Variants in KLHDC3 observed in about 807,000 individuals in gnomAD.
KLHDC3 encodes the protein kelch domain-containing protein 3.
KLHDC3 carries 5 observed loss-of-function variants against 44.1 expected under a neutral mutation model. The observed-to-expected ratio is 0.11, with a 90% confidence interval of 0.06 to 0.24. The LOEUF is 0.24. Among genes scored for constraint, KLHDC3 ranks in the 10% least tolerant of loss-of-function variants. The pLI, the probability that KLHDC3 is intolerant of heterozygous loss-of-function variation, is 1.00. For synonymous variants in KLHDC3, 170 were observed against 189.0 expected, an observed-to-expected ratio of 0.90 and a Z score of 0.82; for missense variants, 247 against 514.3, an observed-to-expected ratio of 0.48 and a Z score of 5.03.
intron 1 of KLHDC3, chr6:43,016,522 G>C (rs547175518): frequency 1.3e-5 from 2 of 152,536 alleles, no homozygotes; most frequent in African/African-American, 2.4e-5. Flanking sequence ...AACTCAGCTT[G>C]ACAGGAGCTC....
chr6:43,020,876 T>A lies in KLHDC3; in HGVS notation c.*143T>A. ...TGGGCGAGAGGTGTTCTCTGTGCTG[T>A]GAATTCAGTGGGGAGCTGTAGCGGG... On this transcript the variant is annotated 3_prime_UTR_variant, in exon 11 of 11. Coordinates refer to ENST00000326974, the MANE Select transcript of KLHDC3 (RefSeq NM_057161.4). 1 of 719,366 alleles carries A rather than the reference T, an allele frequency of 1.4e-6. No homozygotes were observed. Among genetic ancestry groups the A allele is most frequent in the Admixed American group, 2.1e-5 (1 of 47,710 alleles). The allele number at this position is 719,366 out of a possible 1,614,324, so 44.6% of individuals were successfully genotyped here.
rs936545524 is a variant in KLHDC3, at chr6:43,020,995, G to T, written c.*262G>T. On this transcript the variant is annotated 3_prime_UTR_variant, in exon 11 of 11. Coordinates refer to ENST00000326974, the MANE Select transcript of KLHDC3 (RefSeq NM_057161.4). ...TCCTTTCAGCTGCTCCTGGGCCTCA[G>T]CTCTGCCCAGGGCCAGCCAGGTTCT... is the stretch of plus-strand genomic sequence containing the variant. The T allele has an allele frequency of 1.5e-5, 9 of 616,924 alleles. No homozygotes were observed. Among genetic ancestry groups the T allele is most frequent in the South Asian group, 1.1e-4 (7 of 65,984 alleles). The allele number at this position is 616,924 out of a possible 1,614,324, so 38.2% of individuals were successfully genotyped here. A position where few individuals can be genotyped will look rare whatever the true frequency, so the allele number is the denominator to read the frequency against.
chr6:43,015,372 T>A (rs938305854), intron 1 of KLHDC3, among the ~76,000 whole-genome samples: 10 of 152,228 alleles, frequency 6.6e-5, no homozygotes, highest in South Asian at 2.1e-4. Flanking sequence ...TGAGCTGTTT[T>A]AGTGCCTGAG....
At chr6:43,020,558 G>T in intron 10 of KLHDC3, 109 bp from the exon 11 acceptor site, 4 of 850,016 alleles carry the variant, frequency 4.7e-6, no homozygotes, top group South Asian at 1.4e-5. Context: ...GTGGGTGGTT[G>T]ACCTTTAGGA....
At chr6:43,019,266 T>C in intron 9 of KLHDC3, 22 bp from the exon 10 acceptor site, 1 of 1,602,686 alleles carries the variant, frequency 6.2e-7, no homozygotes, top group Non-Finnish European at 8.5e-7. Context: ...ACCATCTCCT[T>C]TCCACAACTT....
At position 43,020,826 on chromosome 6, in the gene KLHDC3, T is replaced by G; in HGVS notation, c.*93T>G. On this transcript the variant is annotated 3_prime_UTR_variant, in exon 11 of 11. Coordinates refer to ENST00000326974, the MANE Select transcript of KLHDC3 (RefSeq NM_057161.4). ...CCACCTGCTCCTTTGACCCCTGGAC[T>G]TGGTATACCTCCATGTGGAGTTGTT... is the stretch of plus-strand genomic sequence containing the variant. 2 of 949,426 alleles carry G rather than the reference T, an allele frequency of 2.1e-6. No individual in the cohort carries two copies. Among genetic ancestry groups the G allele is most frequent in the African/African-American group, 1.6e-5 (1 of 61,868 alleles). The allele number at this position is 949,426 out of a possible 1,614,324, so 58.8% of individuals were successfully genotyped here.
chr6:43,016,379 C>T (rs1027344580), intron 1 of KLHDC3: 6 of 152,272 alleles, frequency 3.9e-5, no homozygotes, highest in African/African-American at 1.4e-4. Context: ...GAGAAAACCC[C>T]TCCCTCTATC....
intron 1 of KLHDC3, chr6:43,016,898 T>C (rs1209192510): frequency 4.7e-6 from 2 of 428,336 alleles, no homozygotes; most frequent in Admixed American, 4.0e-5. Flanking sequence ...GGCAATCAGG[T>C]GGGGGTGGCC....
In KLHDC3 at chr6:43,020,904, G is replaced by A; in HGVS notation, c.*171G>A. 1.5e-6 allele frequency: 1 copy of A among 679,980 alleles called. No individual in the cohort carries two copies. Among genetic ancestry groups the A allele is most frequent in the East Asian group, 2.8e-5 (1 of 36,096 alleles). The allele number at this position is 679,980 out of a possible 1,614,324, so 42.1% of individuals were successfully genotyped here. On this transcript the variant is annotated 3_prime_UTR_variant, in exon 11 of 11. Coordinates refer to ENST00000326974, the MANE Select transcript of KLHDC3 (RefSeq NM_057161.4). ...ATTCAGTGGGGAGCTGTAGCGGGGT[G>A]GGGGCTAGGTTCCTCCCCCCTTGGG...
Position 43,017,415 on chromosome 6 carries a change from G to A in KLHDC3, c.154+69G>A. The A allele has an allele frequency of 1.9e-6, 3 of 1,575,600 alleles. No individual in the cohort carries two copies. The highest frequency in any genetic ancestry group is 2.6e-6 in the Non-Finnish European group (3 of 1,156,858). ...GGGAACGGGCTGCTGATGAGGTTTGGCTGTGGTCTCTGGGACCAAGGGGAT... is the reference window on the plus strand; with the variant it reads ...GGGAACGGGCTGCTGATGAGGTTTGACTGTGGTCTCTGGGACCAAGGGGAT... On this transcript the variant is annotated intron_variant, in intron 2 of 10. Transcript: ENST00000326974. This position sits in a 1 kb window ranked among gnomAD's most constrained non-coding sequence, Gnocchi z 6.0.
chr6:43,015,684 T>C (rs1285313296), intron 1 of KLHDC3, among the ~76,000 whole-genome samples: 2 of 151,958 alleles, frequency 1.3e-5, no homozygotes, highest in East Asian at 3.9e-4. Flanking sequence ...ACCCCATCTC[T>C]ACTAAAAATA....
chr6:43,019,464 T>C, intron 10 of KLHDC3, 98 bp downstream of exon 10: 2 of 796,198 alleles, frequency 2.5e-6, no homozygotes, highest in Non-Finnish European at 4.4e-6. Context: ...GAGACAGACA[T>C]TTTTGTTCTG....
chr6:43,017,961 A>T lies in KLHDC3; in HGVS notation c.440A>T (p.Glu147Val). The T allele has an allele frequency of 6.2e-7, 1 of 1,612,000 alleles. No individual in the cohort carries two copies. The highest frequency in any genetic ancestry group is 1.3e-5 in the African/African-American group (1 of 74,956). ...ATCATGTACATTTTTGGGGGCTACGAGCAGCAGGTAGGTCTGGGAATAAAA... is the reference window on the plus strand; with the variant it reads ...ATCATGTACATTTTTGGGGGCTACGTGCAGCAGGTAGGTCTGGGAATAAAA... ...GKIMYIFGGY[E>V]QQADCFSNDI... The change falls in exon 4 of 11, where the codon GAG becomes GTG. Residue 147 changes from glutamate to valine, a missense_variant. This residue lies in a region of KLHDC3 where 176 missense variants were observed against 413.5 expected (regional missense o/e 0.43). Coordinates refer to ENST00000326974, the MANE Select transcript of KLHDC3 (RefSeq NM_057161.4). The surrounding 1 kb of genome is among the most constrained non-coding windows in gnomAD (Gnocchi z 6.0).
chr6:43,016,519 C>G (rs1762578628), intron 1 of KLHDC3: 1 of 152,388 alleles, frequency 6.6e-6, no homozygotes, highest in Admixed American at 6.5e-5. Context: ...AACAACTCAG[C>G]TTGACAGGAG....
In KLHDC3 at chr6:43,021,104, C is replaced by T. The variant is rs1223785183; in HGVS notation, c.*371C>T. Reference sequence around the variant, plus strand: ...GCTTCCCCCTCCCCCTTTGCCTATCCCCTCCCCTCTGCTTGAGCCTTGAGC... The same window carrying T: ...GCTTCCCCCTCCCCCTTTGCCTATCTCCTCCCCTCTGCTTGAGCCTTGAGC... On this transcript the variant is annotated 3_prime_UTR_variant, in exon 11 of 11. Transcript: ENST00000326974. 3 of 477,492 alleles carry T rather than the reference C, an allele frequency of 6.3e-6. No homozygotes were observed. The highest frequency in any genetic ancestry group is 4.6e-5 in the South Asian group (3 of 64,770). 29.6% of individuals were successfully genotyped at this position (477,492 alleles called of 1,614,324 possible). A position where few individuals can be genotyped will look rare whatever the true frequency, so the allele number is the denominator to read the frequency against.
At chr6:43,019,505 G>C in intron 10 of KLHDC3, 139 bp downstream of exon 10, 2 of 638,106 alleles carry the variant, frequency 3.1e-6, no homozygotes, top group East Asian at 5.1e-5. Flanking sequence ...TGGGAAATGA[G>C]ATGGAAGGAG....
Position 43,020,826 on chromosome 6 carries a change from T to C in KLHDC3, c.*93T>C. 1.1e-6 allele frequency: 1 copy of C among 949,426 alleles called. No homozygotes were observed. The highest frequency in any genetic ancestry group is 2.4e-5 in the East Asian group (1 of 41,064). 58.8% of individuals were successfully genotyped at this position (949,426 alleles called of 1,614,324 possible). A position where few individuals can be genotyped will look rare whatever the true frequency, so the allele number is the denominator to read the frequency against. ...CCACCTGCTCCTTTGACCCCTGGAC[T>C]TGGTATACCTCCATGTGGAGTTGTT... On this transcript the variant is annotated 3_prime_UTR_variant, in exon 11 of 11. Transcript: ENST00000326974.
rs1337487085 is a variant in KLHDC3, at chr6:43,017,169, T to C, written c.-24T>C. The stretch of plus-strand genomic sequence containing the variant: ...CAGCAGGCCGTGCCGGGGGGGCATG[T>C]TGCTGTAACCAGTGGCCCAGGGGAT... On this transcript the variant is annotated 5_prime_UTR_variant, in exon 2 of 11. Transcript: ENST00000326974. The surrounding 1 kb of genome is among the most constrained non-coding windows in gnomAD (Gnocchi z 6.0). 1.2e-6 allele frequency: 2 copies of C among 1,604,830 alleles called. No homozygotes were observed. Among genetic ancestry groups the C allele is most frequent in the Admixed American group, 1.7e-5 (1 of 59,446 alleles).
chr6:43,014,380 A>T (rs1762503603), intron 1 of KLHDC3, 32 bp downstream of exon 1: 1 of 607,472 alleles, frequency 1.6e-6, no homozygotes, highest in Admixed American at 2.2e-5. Flanking sequence ...GGCAAGGGAG[A>T]ATTAGGGGGC....
Sources: gnomAD v4.1 joint callset for allele counts (sites outside exome capture counted in the v4.1 genomes callset) on GRCh38, gnomAD v4.1.1 for gene constraint, gnomAD v4.1.1 regional missense constraint, Gnocchi (gnomAD v3.1) non-coding constraint, MANE v1.5 for transcripts, NCBI Gene and HGNC (gene_info 2026-07-23, HGNC 2026-07-21) for gene names.